Variants in DOCK7 observed in about 807,000 individuals in gnomAD.
The protein encoded by DOCK7 is dedicator of cytokinesis 7, also known as dedicator of cytokinesis protein 7.
DOCK7 carries 138 observed loss-of-function variants against 271.0 expected under a neutral mutation model. The observed-to-expected ratio is 0.51, with a 90% CI of 0.44 to 0.59. The LOEUF is 0.59. Among genes scored for constraint, DOCK7 ranks in the 20% least tolerant of loss-of-function variants. DOCK7 has a pLI of 0.00. For synonymous variants in DOCK7, 823 were observed against 876.1 expected (o/e 0.94, Z 1.07); for missense variants, 2,066 against 2,592.4 (o/e 0.80, Z 4.41).
rs144871375 is a variant in DOCK7 at position 62,645,050 on chromosome 1, C to A, written c.818+2641G>T. 6.6e-5 allele frequency among the ~76,000 whole-genome samples: 10 copies of A among 152,114 alleles called. No individual in the cohort carries two copies. In the East Asian group the frequency reaches 1.9e-3, roughly 29 times the overall value. The stretch of plus-strand genomic sequence containing the variant: ...TTATGATAAAAAAAACAGATAATAA[C>A]AAATATTGGTGAAAACGTGGAGAAA... On this transcript the variant is annotated intron_variant, in intron 7 of 49. Coordinates refer to ENST00000635253, the MANE Select transcript of DOCK7 (RefSeq NM_001367561.1).
chr1:62,501,725 C>T (rs1364005499), intron 37 of DOCK7, among the ~76,000 whole-genome samples: 1 of 151,808 alleles, frequency 6.6e-6, no homozygotes, highest in African/African-American at 2.4e-5. Flanking sequence ...TTTATGCACT[C>T]TATGTATTTC....
At position 62,663,078 on chromosome 1, in the gene DOCK7, G is replaced by A. The variant is rs1223443974; in HGVS notation, c.91C>T (p.Pro31Ser). Residue 31 changes from proline to serine, a missense_variant, in exon 2 of 50, where the codon CCC (proline) becomes TCC (serine). Pro to Ser is a moderately conservative substitution (Grantham distance 74). This residue lies in a region of DOCK7 where 1,414 missense variants were observed against 1,670.4 expected (regional missense o/e 0.85). Transcript: ENST00000635253. The stretch of plus-strand genomic sequence containing the variant: ...ATATTAAGGTTTTTGAGCAGTTGGG[G>A]AGAACCACTATATTGTCCGGAGATC... ...KQISGQYSGS[P>S]QLLKNLNIVG... 5 of 1,613,466 alleles carry A rather than the reference G, an allele frequency of 3.1e-6. No individual in the cohort carries two copies. The South Asian group carries it at 4.4e-5, about 14-fold the overall frequency.
chr1:62,499,871 C>T (rs1646729113), intron 37 of DOCK7, among the ~76,000 whole-genome samples: 1 of 151,750 alleles, frequency 6.6e-6, no homozygotes. Flanking sequence ...CAGAGCAAGA[C>T]CCTGTCTCTA....
intron 2 of DOCK7, among the ~76,000 whole-genome samples, 198 bp from the exon 3 acceptor site, chr1:62,654,357 A>C (rs1234579317): frequency 1.3e-5 from 2 of 152,178 alleles, no homozygotes; most frequent in African/African-American, 4.8e-5. Context: ...GTTTTGGGTC[A>C]TACTCTCTTT....
chr1:62,660,071 TCTAA>T (rs1196630303), intron 2 of DOCK7, among the ~76,000 whole-genome samples: 25 of 152,180 alleles, frequency 1.6e-4, no homozygotes, highest in Middle Eastern at 6.8e-3. Context: ...AACCAATAGA[TCTAA>T]CTGACATTTA....
chr1:62,642,176 T>A (rs1656115419), intron 7 of DOCK7, among the ~76,000 whole-genome samples: 1 of 151,812 alleles, frequency 6.6e-6, no homozygotes, highest in Non-Finnish European at 1.5e-5. Flanking sequence ...TGGTGTGATC[T>A]CTACTCACTG....
chr1:62,656,613 A>G (rs1658044900), intron 2 of DOCK7, among the ~76,000 whole-genome samples: 1 of 152,214 alleles, frequency 6.6e-6, no homozygotes, highest in Non-Finnish European at 1.5e-5. Flanking sequence ...TAGATATTAC[A>G]TAGAAAACAA....
chr1:62,510,815 A>C lies in DOCK7; in HGVS notation c.4283-142T>G, dbSNP rs114940878. 6.6e-3 allele frequency: 3,417 copies of C among 521,654 alleles called. 93 individuals carry two copies. Among genetic ancestry groups the C allele is most frequent in the African/African-American group, 0.06 (3,036 of 51,022 alleles). 32.3% of individuals were successfully genotyped at this position (521,654 alleles called of 1,614,324 possible). ...TCAGTACAAGTTGAAAAACCTGACAATGGTGCTTTTTATTAAAAATTTTCA... is the reference window on the plus strand; with the variant it reads ...TCAGTACAAGTTGAAAAACCTGACACTGGTGCTTTTTATTAAAAATTTTCA... On this transcript the variant is annotated intron_variant, in intron 33 of 49. Transcript: ENST00000635253.
chr1:62,578,388 C>T (rs1647001963), intron 17 of DOCK7, among the ~76,000 whole-genome samples: 1 of 152,008 alleles, frequency 6.6e-6, no homozygotes, highest in Non-Finnish European at 1.5e-5. Context: ...ATCAATGCAA[C>T]TTCATAACTG....
chr1:62,677,161 G>C (rs1660627103), intron 1 of DOCK7, among the ~76,000 whole-genome samples: 1 of 152,168 alleles, frequency 6.6e-6, no homozygotes, highest in Non-Finnish European at 1.5e-5. Flanking sequence ...TCATTCTTTA[G>C]GTTAGAAACC....
chr1:62,659,499 T>C (rs1442316260), intron 2 of DOCK7, among the ~76,000 whole-genome samples: 2 of 151,314 alleles, frequency 1.3e-5, no homozygotes, highest in African/African-American at 4.9e-5. Context: ...AGATGAAAAA[T>C]AGAGAATAAA....
intron 18 of DOCK7, among the ~76,000 whole-genome samples, chr1:62,568,811 T>A (rs1646624044): frequency 6.6e-6 from 1 of 151,272 alleles, no homozygotes; most frequent in African/African-American, 2.4e-5. Flanking sequence ...AAGCTGTTTT[T>A]TTTTTTGAAA....
At chr1:62,543,465 T>A in intron 24 of DOCK7, 191 bp downstream of exon 24, 1 of 412,558 alleles carries the variant, frequency 2.4e-6, no homozygotes, top group Non-Finnish European at 4.4e-6. Flanking sequence ...AACATTATCA[T>A]AATGTAAAAA....
At chr1:62,485,087 G>T in intron 43 of DOCK7, 1 of 915,316 alleles carries the variant, frequency 1.1e-6, no homozygotes, top group Non-Finnish European at 1.3e-6. Context: ...AGTGAGCTGT[G>T]ATCGTGCCAC....
intron 18 of DOCK7, among the ~76,000 whole-genome samples, chr1:62,573,978 G>C (rs1431350246): frequency 6.6e-6 from 1 of 152,126 alleles, no homozygotes; most frequent in Non-Finnish European, 1.5e-5. Context: ...TTACAAGGAA[G>C]AAGAGTATGG....
chr1:62,674,013 A>G (rs1660285210), intron 1 of DOCK7, among the ~76,000 whole-genome samples: 1 of 152,004 alleles, frequency 6.6e-6, no homozygotes, highest in African/African-American at 2.4e-5. Context: ...AAGAAATAAA[A>G]CTGTCTTTAC....
Position 62,681,325 on chromosome 1 carries a change from A to C in DOCK7, c.38+6902T>G, listed in dbSNP as rs144040874. On this transcript the variant is annotated intron_variant, in intron 1 of 49. Coordinates refer to ENST00000635253, the MANE Select transcript of DOCK7 (RefSeq NM_001367561.1). ...CCACATGTTCTCACTCATAGGTGGG[A>C]ATTGAACAATGAGAACATTTGGACA... Among the ~76,000 whole-genome samples the C allele has an allele frequency of 2.2e-3, 329 of 147,386 alleles. 1 individual carries two copies. The highest frequency in any genetic ancestry group is 8.0e-3 in the African/African-American group (318 of 39,816).
At chr1:62,558,140 C>A (rs1328013083) in intron 20 of DOCK7, among the ~76,000 whole-genome samples, 2 of 152,150 alleles carry the variant, frequency 1.3e-5, no homozygotes, top group Non-Finnish European at 2.9e-5. Context: ...AATCAATCCT[C>A]TAATTTATAA....
chr1:62,575,959 A>G (rs1422817280), intron 18 of DOCK7, among the ~76,000 whole-genome samples: 1 of 152,170 alleles, frequency 6.6e-6, no homozygotes, highest in East Asian at 1.9e-4. Flanking sequence ...CCACCTTTCT[A>G]TATAACAAAG....
Sources: allele counts gnomAD v4.1 joint callset (sites outside exome capture counted in the v4.1 genomes callset), GRCh38; gene constraint gnomAD v4.1.1; regional missense constraint gnomAD v4.1.1; transcripts MANE v1.5; gene names NCBI Gene and HGNC (gene_info 2026-07-23, HGNC 2026-07-21).